The following ZFPM2 variants were observed in gnomAD, a reference collection of about 807,000 sequenced individuals.
ZFPM2 encodes the protein zinc finger protein, FOG family member 2.
ZFPM2 carries 20 observed loss-of-function variants against 98.6 expected under a neutral mutation model. The observed-to-expected ratio is 0.20, with a 90% confidence interval of 0.14 to 0.29. The LOEUF (loss-of-function observed/expected upper bound fraction) is 0.29, where lower values mean the gene tolerates loss of function less well. ZFPM2 is among the 10% of genes least tolerant of loss of function. The pLI is 1.00. For missense variants in ZFPM2, 1,310 were observed against 1,388.6 expected (o/e 0.94, Z 0.90); for synonymous variants, 518 against 502.7 (o/e 1.03, Z -0.41).
At chr8:105,403,698 C>T (rs1274471051) in intron 1 of ZFPM2, among the ~76,000 whole-genome samples, 2 of 151,940 alleles carry the variant, frequency 1.3e-5, no homozygotes, top group Non-Finnish European at 2.9e-5. Context: ...TATAGCCTGG[C>T]TCTAAAGCAG....
chr8:105,801,187 C>T lies in ZFPM2; in HGVS notation c.1105C>T (p.His369Tyr), dbSNP rs1813993362. The stretch of plus-strand genomic sequence containing the variant: ...AGCTGCCTTCCGATGTAATCACTGC[C>T]ATTTCGGCTTCCAGACTCAGAGGGA... ...TQAAFRCNHC[H>Y]FGFQTQRELL... Residue 369 changes from histidine to tyrosine, a missense_variant, in exon 8 of 8, where the codon CAT (histidine) becomes TAT (tyrosine). By Grantham distance (83) the His-to-Tyr change is moderately conservative. Coordinates refer to ENST00000407775, the MANE Select transcript of ZFPM2 (RefSeq NM_012082.4). 1.9e-6 allele frequency: 3 copies of T among 1,613,954 alleles called. No individual in the cohort carries two copies. Among genetic ancestry groups the T allele is most frequent in the Non-Finnish European group, 1.7e-6 (2 of 1,179,882 alleles).
intron 4 of ZFPM2, among the ~76,000 whole-genome samples, chr8:105,588,847 TA>T (rs1815782525): frequency 1.3e-5 from 2 of 152,296 alleles, no homozygotes; most frequent in Admixed American, 6.5e-5. Context: ...TCAGGCCAGT[TA>T]GGGGGCAAGT....
intron 2 of ZFPM2, among the ~76,000 whole-genome samples, chr8:105,437,427 T>C (rs1812142024): frequency 6.6e-6 from 1 of 152,226 alleles, no homozygotes; most frequent in Non-Finnish European, 1.5e-5. Flanking sequence ...GAAAGTTTTT[T>C]AATCATATGA....
chr8:105,534,048 C>T (rs1451361464), intron 3 of ZFPM2, among the ~76,000 whole-genome samples: 3 of 43,748 alleles, frequency 6.9e-5, no homozygotes, highest in Non-Finnish European at 1.3e-4. Context: ...CCCTCCCTTC[C>T]TCCCTTCCTC....
At chr8:105,717,586 C>T in intron 5 of ZFPM2, among the ~76,000 whole-genome samples, 1 of 151,668 alleles carries the variant, frequency 6.6e-6, no homozygotes, top group East Asian at 2.0e-4. Flanking sequence ...TTAAATTAAG[C>T]AGAAAGATGT....
In ZFPM2 at chr8:105,642,100, C is replaced by T. The variant is rs189788320; in HGVS notation, c.532+7743C>T. ...AGAGATGCTAATCTTGAAAGCTACC[C>T]CCAAAAGTATCTTTGTCAGTTGAAA... On this transcript the variant is annotated intron_variant, in intron 5 of 7. Transcript: ENST00000407775. 1.3e-5 allele frequency among the ~76,000 whole-genome samples: 2 copies of T among 152,034 alleles called. 1 individual carries two copies. The highest frequency in any genetic ancestry group is 4.2e-4 in the South Asian group (2 of 4,818).
At chr8:105,494,179 A>T (rs531562713) in intron 3 of ZFPM2, among the ~76,000 whole-genome samples, 131 of 105,376 alleles carry the variant, frequency 1.2e-3, no homozygotes, top group African/African-American at 4.3e-3. Context: ...AGCTGCCACC[A>T]AAAGTATATA....
intron 5 of ZFPM2, among the ~76,000 whole-genome samples, chr8:105,654,380 A>G (rs985506807): frequency 9.2e-5 from 14 of 152,164 alleles, no homozygotes; most frequent in South Asian, 4.1e-4. Flanking sequence ...ACAGGAGTCT[A>G]TTAAATTAAT....
chr8:105,519,580 G>A (rs1254816199), intron 3 of ZFPM2, among the ~76,000 whole-genome samples: 1 of 152,056 alleles, frequency 6.6e-6, no homozygotes, highest in African/African-American at 2.4e-5. Context: ...TCTAGTGTGT[G>A]TTACATGTCA....
intron 5 of ZFPM2, among the ~76,000 whole-genome samples, chr8:105,696,017 A>G (rs1811009236): frequency 6.6e-6 from 1 of 152,174 alleles, no homozygotes; most frequent in African/African-American, 2.4e-5. Flanking sequence ...CTTTCTTTCC[A>G]TAACTATGAA....
chr8:105,796,866 C>T (rs1388337406), intron 6 of ZFPM2: 3 of 152,348 alleles, frequency 2.0e-5, no homozygotes, highest in Middle Eastern at 3.4e-3. Flanking sequence ...TGGATGGTGA[C>T]TCCTTTCCTC....
chr8:105,799,033 A>G lies in ZFPM2; in HGVS notation c.964+85A>G, dbSNP rs544852024. 119 of 1,196,668 alleles carry G rather than the reference A, an allele frequency of 9.9e-5. No homozygotes were observed. The East Asian group carries it at 2.9e-3, about 29-fold the overall frequency. The allele number at this position is 1,196,668 out of a possible 1,614,324, so 74.1% of individuals were successfully genotyped here. A position where few individuals can be genotyped will look rare whatever the true frequency, so the allele number is the denominator to read the frequency against. On this transcript the variant is annotated intron_variant, in intron 7 of 7. Coordinates refer to ENST00000407775, the MANE Select transcript of ZFPM2 (RefSeq NM_012082.4). ...ATATGCATTACATGTATACGTCTATATCTGTCTATCTGTAGCTATCTATAA... is the reference window on the plus strand; with the variant it reads ...ATATGCATTACATGTATACGTCTATGTCTGTCTATCTGTAGCTATCTATAA...
At chr8:105,715,959 A>T (rs1190464027) in intron 5 of ZFPM2, among the ~76,000 whole-genome samples, 1 of 151,928 alleles carries the variant, frequency 6.6e-6, no homozygotes, top group East Asian at 1.9e-4. Context: ...ATTTTATTTC[A>T]ATGCAGAGTT....
chr8:105,688,742 C>T (rs1441735463), intron 5 of ZFPM2, among the ~76,000 whole-genome samples: 2 of 152,040 alleles, frequency 1.3e-5, no homozygotes, highest in Admixed American at 1.3e-4. Context: ...TTTGAATAGA[C>T]ATTATTTTCA....
intron 5 of ZFPM2, among the ~76,000 whole-genome samples, chr8:105,735,895 C>A (rs1299728091): frequency 6.6e-6 from 1 of 151,878 alleles, no homozygotes; most frequent in Non-Finnish European, 1.5e-5. Flanking sequence ...GTCAAGAGGA[C>A]CTTCAGGGAA....
intron 3 of ZFPM2, among the ~76,000 whole-genome samples, chr8:105,454,448 T>C (rs1812548637): frequency 6.6e-6 from 1 of 152,210 alleles, no homozygotes; most frequent in Non-Finnish European, 1.5e-5. Context: ...CACTGGATGC[T>C]CCAATGCACT....
chr8:105,711,725 C>T (rs1415258538), intron 5 of ZFPM2, among the ~76,000 whole-genome samples: 1 of 152,062 alleles, frequency 6.6e-6, no homozygotes, highest in Admixed American at 6.6e-5. Context: ...TAAGAAAGTC[C>T]TTTCTTCCAA....
chr8:105,407,306 A>G (rs1231027312), intron 1 of ZFPM2, among the ~76,000 whole-genome samples: 4 of 151,942 alleles, frequency 2.6e-5, no homozygotes, highest in South Asian at 4.1e-4. Flanking sequence ...ACTTCACGCT[A>G]TTTACACTAT....
At chr8:105,547,542 CAAAAAAAAAAAA>C (rs148322534) in intron 3 of ZFPM2, among the ~76,000 whole-genome samples, 14,483 of 47,156 alleles carry the variant, frequency 0.31, 917 homozygotes, top group East Asian at 0.42. Flanking sequence ...AACTCCATCT[CAAAAAAAAAAAA>C]AAAAAAAAAA....
Sources: allele counts gnomAD v4.1 joint callset (sites outside exome capture counted in the v4.1 genomes callset), GRCh38; gene constraint gnomAD v4.1.1; transcripts MANE v1.5; gene names NCBI Gene and HGNC (gene_info 2026-07-23, HGNC 2026-07-21).